The following NAALADL2 variants were observed in gnomAD, a reference collection of about 807,000 sequenced individuals.
NAALADL2 encodes inactive N-acetylated-alpha-linked acidic dipeptidase-like protein 2.
In NAALADL2, 76 loss-of-function variants were observed where a neutral mutation model predicts 87.2. The ratio of observed to expected loss-of-function variants is 0.87; its 90% confidence interval spans 0.72 to 1.05. NAALADL2 has a LOEUF of 1.05. NAALADL2 is among the 50% of genes least tolerant of loss of function. NAALADL2 has a pLI of 0.00. For missense variants in NAALADL2, 1,089 were observed against 945.8 expected (o/e 1.15, Z -1.99); for synonymous variants, 354 against 331.0 (o/e 1.07, Z -0.75).
chr3:174,701,271 T>A (rs1274240225), intron 2 of NAALADL2, among the ~76,000 whole-genome samples: 1 of 151,646 alleles, frequency 6.6e-6, no homozygotes, highest in Non-Finnish European at 1.5e-5. Flanking sequence ...TATCAAATTA[T>A]ATCTCATATG....
intron 1 of NAALADL2, among the ~76,000 whole-genome samples, chr3:174,993,941 A>G (rs1201548405): frequency 6.6e-6 from 1 of 152,108 alleles, no homozygotes; most frequent in East Asian, 1.9e-4. Context: ...CCATGATCAC[A>G]TTTGCATTCT....
At chr3:174,588,726 C>T (rs1170331029) in intron 2 of NAALADL2, among the ~76,000 whole-genome samples, 1 of 152,182 alleles carries the variant, frequency 6.6e-6, no homozygotes, top group Non-Finnish European at 1.5e-5. Flanking sequence ...CTTCCTGATC[C>T]TTCCTCTGGA....
chr3:174,898,990 G>T (rs1390366470), intron 1 of NAALADL2, among the ~76,000 whole-genome samples: 2 of 152,018 alleles, frequency 1.3e-5, no homozygotes, highest in African/African-American at 4.8e-5. Flanking sequence ...GCACTTTTCT[G>T]TATAGATATT....
chr3:175,491,363 C>T (rs995420781), intron 9 of NAALADL2, among the ~76,000 whole-genome samples: 1 of 150,998 alleles, frequency 6.6e-6, no homozygotes, highest in African/African-American at 2.4e-5. Context: ...TTTTGTCTCC[C>T]CACTTTTCAA....
At chr3:175,246,312 T>C (rs1003157765) in intron 3 of NAALADL2, among the ~76,000 whole-genome samples, 2 of 152,138 alleles carry the variant, frequency 1.3e-5, no homozygotes, top group African/African-American at 4.8e-5. Context: ...CTTGTGATAG[T>C]ATTGTAGTTT....
intron 2 of NAALADL2, among the ~76,000 whole-genome samples, chr3:174,694,583 A>C (rs977387892): frequency 5.9e-5 from 9 of 152,036 alleles, no homozygotes; most frequent in Non-Finnish European, 1.3e-4. Flanking sequence ...ACAAATGAAG[A>C]AAAGATTCTA....
chr3:174,850,181 G>A (rs181169789), intron 3 of NAALADL2, among the ~76,000 whole-genome samples: 1 of 152,022 alleles, frequency 6.6e-6, no homozygotes, highest in African/African-American at 2.4e-5. Context: ...TTCTAGGTTG[G>A]AAGTATTTTT....
intron 3 of NAALADL2, among the ~76,000 whole-genome samples, chr3:174,839,077 A>G (rs1723707497): frequency 6.6e-6 from 1 of 152,204 alleles, no homozygotes; most frequent in Non-Finnish European, 1.5e-5. Context: ...AAGGCATCAC[A>G]TTAACTGATT....
chr3:175,447,169 C>T, intron 5 of NAALADL2, 60 bp from the exon 6 acceptor site: 1 of 1,128,952 alleles, frequency 8.9e-7, no homozygotes, highest in Non-Finnish European at 1.2e-6. Flanking sequence ...GATAACTTTT[C>T]CTTAAGTGTT....
chr3:175,242,012 C>A (rs928876351), intron 3 of NAALADL2, among the ~76,000 whole-genome samples: 1 of 151,600 alleles, frequency 6.6e-6, no homozygotes, highest in Non-Finnish European at 1.5e-5. Flanking sequence ...CAGGCACGCG[C>A]CCCCATGCCC....
chr3:175,153,949 A>C (rs1357807668), intron 2 of NAALADL2, among the ~76,000 whole-genome samples: 7 of 152,284 alleles, frequency 4.6e-5, no homozygotes, highest in Non-Finnish European at 1.0e-4. Context: ...ACCAGTTGTG[A>C]AACTGTAAAG....
intron 5 of NAALADL2, among the ~76,000 whole-genome samples, chr3:175,366,311 A>G (rs954345977): frequency 4.0e-5 from 6 of 151,738 alleles, no homozygotes; most frequent in South Asian, 2.1e-4. Context: ...TAGTGCCTCA[A>G]TAAACATACG....
intron 6 of NAALADL2, chr3:175,460,123 G>A (rs1722891249): frequency 2.2e-6 from 1 of 456,052 alleles, no homozygotes; most frequent in African/African-American, 2.0e-5. Context: ...GCTATGAAGA[G>A]TAATATTGCC....
At chr3:174,655,101 G>T (rs1246602237) in intron 2 of NAALADL2, among the ~76,000 whole-genome samples, 2 of 151,996 alleles carry the variant, frequency 1.3e-5, no homozygotes, top group Non-Finnish European at 2.9e-5. Context: ...TTATTTTTTA[G>T]AATTAAAAAT....
intron 1 of NAALADL2, among the ~76,000 whole-genome samples, chr3:174,466,971 G>C (rs1250149809): frequency 1.3e-5 from 2 of 152,062 alleles, no homozygotes; most frequent in Non-Finnish European, 2.9e-5. Context: ...ATTGTCCACT[G>C]TCTGCACTGT....
At chr3:175,634,135 A>G (rs1241275832) in intron 11 of NAALADL2, among the ~76,000 whole-genome samples, 5 of 151,850 alleles carry the variant, frequency 3.3e-5, no homozygotes, top group African/African-American at 4.8e-5. Flanking sequence ...ATAAAGGTTA[A>G]TGGTGGGGTC....
intron 1 of NAALADL2, chr3:174,458,736 C>A (rs1417078182): frequency 6.6e-6 from 1 of 152,198 alleles, no homozygotes; most frequent in Non-Finnish European, 1.5e-5. Context: ...TCATCTAATA[C>A]TGTTACACTT....
chr3:175,733,836 C>A (rs1744122601), intron 11 of NAALADL2, among the ~76,000 whole-genome samples: 1 of 152,218 alleles, frequency 6.6e-6, no homozygotes, highest in Non-Finnish European at 1.5e-5. Flanking sequence ...GCTACAGGCT[C>A]CATGCAAGTC....
intron 2 of NAALADL2, among the ~76,000 whole-genome samples, chr3:174,560,920 C>T (rs555564931): frequency 3.9e-4 from 60 of 152,208 alleles, no homozygotes; most frequent in African/African-American, 1.4e-3. Context: ...CAAAGAAATC[C>T]TGTAATAGAC....
Sources: gnomAD v4.1 joint callset for allele counts (sites outside exome capture counted in the v4.1 genomes callset) on GRCh38, gnomAD v4.1.1 for gene constraint, MANE v1.5 for transcripts, NCBI Gene and HGNC (gene_info 2026-07-23, HGNC 2026-07-21) for gene names.